The following GPC6 variants were observed in gnomAD, a reference collection of about 807,000 sequenced individuals.
GPC6 encodes the protein glypican-6.
In GPC6, 14 loss-of-function variants were observed where a neutral mutation model predicts 55.2. The ratio of observed to expected loss-of-function variants is 0.25; its 90% CI spans 0.17 to 0.40. GPC6 has a LOEUF of 0.40. Ranked by LOEUF, GPC6 falls within the 10% of genes least tolerant of loss-of-function variation. GPC6 has a pLI of 1.00. For synonymous variants in GPC6, 278 were observed against 259.6 expected, an observed-to-expected ratio of 1.07 and a Z score of -0.68; for missense variants, 641 against 708.5, an observed-to-expected ratio of 0.90 and a Z score of 1.08.
At chr13:93,879,447 AAAAC>A (rs1278564019) in intron 3 of GPC6, among the ~76,000 whole-genome samples, 1 of 152,068 alleles carries the variant, frequency 6.6e-6, no homozygotes, top group Admixed American at 6.6e-5. Flanking sequence ...AAACCTGAGA[AAAAC>A]AAGCAATGGG....
At chr13:93,505,456 CAG>C (rs374453375) in intron 1 of GPC6, among the ~76,000 whole-genome samples, 194 of 147,788 alleles carry the variant, frequency 1.3e-3, no homozygotes, top group Middle Eastern at 3.6e-3. Context: ...CACACAGAGA[CAG>C]AGAGAGAGAG....
At chr13:93,986,524 G>A (rs1379180159) in intron 3 of GPC6, among the ~76,000 whole-genome samples, 1 of 152,090 alleles carries the variant, frequency 6.6e-6, no homozygotes, top group African/African-American at 2.4e-5. Flanking sequence ...GAAATAACAG[G>A]AGTTCAGATG....
chr13:94,066,584 A>G (rs1275981541), intron 4 of GPC6, among the ~76,000 whole-genome samples: 1 of 152,200 alleles, frequency 6.6e-6, no homozygotes, highest in Non-Finnish European at 1.5e-5. Flanking sequence ...ACTCAATCTA[A>G]AGATAACGTT....
intron 4 of GPC6, among the ~76,000 whole-genome samples, chr13:94,185,814 A>C (rs559967424): frequency 4.3e-4 from 66 of 152,128 alleles, no homozygotes; most frequent in African/African-American, 1.5e-3. Flanking sequence ...GGTTTTTAGC[A>C]CTTCAGGAGG....
chr13:93,540,771 C>G (rs2139426313), intron 1 of GPC6, among the ~76,000 whole-genome samples: 1 of 152,212 alleles, frequency 6.6e-6, no homozygotes, highest in East Asian at 1.9e-4. Flanking sequence ...GTGTAGAACA[C>G]TAGAACTTAT....
At chr13:93,761,144 A>G (rs1441941689) in intron 2 of GPC6, among the ~76,000 whole-genome samples, 1 of 152,140 alleles carries the variant, frequency 6.6e-6, no homozygotes, top group Non-Finnish European at 1.5e-5. Context: ...TTTGAAGAAA[A>G]TGATCAGTTT....
At chr13:93,657,814 AAAG>A (rs1351407474) in intron 2 of GPC6, among the ~76,000 whole-genome samples, 1 of 152,138 alleles carries the variant, frequency 6.6e-6, no homozygotes, top group African/African-American at 2.4e-5. Context: ...ATGCTTCTCA[AAAG>A]AAGACATACA....
At chr13:93,574,772 C>A (rs979149172) in intron 2 of GPC6, among the ~76,000 whole-genome samples, 2 of 152,106 alleles carry the variant, frequency 1.3e-5, no homozygotes, top group African/African-American at 4.8e-5. Flanking sequence ...CATGTGCGTT[C>A]TGTCTAGAGA....
At chr13:94,102,328 G>C (rs945877057) in intron 4 of GPC6, among the ~76,000 whole-genome samples, 1 of 152,024 alleles carries the variant, frequency 6.6e-6, no homozygotes, top group Admixed American at 6.6e-5. Flanking sequence ...AACAAGTCTT[G>C]GACATTTCCA....
At chr13:93,730,376 T>G (rs1275462337) in intron 2 of GPC6, among the ~76,000 whole-genome samples, 2 of 152,184 alleles carry the variant, frequency 1.3e-5, no homozygotes, top group African/African-American at 4.8e-5. Context: ...TAAATCATAC[T>G]CACACTCTCA....
At chr13:93,720,227 T>TG in intron 2 of GPC6, among the ~76,000 whole-genome samples, 1 of 152,028 alleles carries the variant, frequency 6.6e-6, no homozygotes, top group East Asian at 1.9e-4. Context: ...GGTAGGCTAT[T>TG]ACTGCCTCAA....
intron 5 of GPC6, among the ~76,000 whole-genome samples, chr13:94,301,887 C>G (rs572435464): frequency 2.0e-5 from 3 of 152,298 alleles, no homozygotes; most frequent in Non-Finnish European, 2.9e-5. Context: ...TATTATTTCT[C>G]AATTGTTTTT....
intron 3 of GPC6, among the ~76,000 whole-genome samples, chr13:93,870,881 A>G (rs928244607): frequency 1.3e-5 from 2 of 151,824 alleles, no homozygotes; most frequent in African/African-American, 2.4e-5. Context: ...CTGCCTCCCA[A>G]ATTGCTGGGA....
At chr13:93,492,842 T>C (rs1035472347) in intron 1 of GPC6, among the ~76,000 whole-genome samples, 10 of 150,278 alleles carry the variant, frequency 6.7e-5, no homozygotes, top group African/African-American at 2.5e-4. Flanking sequence ...TGGCATATAT[T>C]GAACCAGCCT....
intron 4 of GPC6, among the ~76,000 whole-genome samples, chr13:94,101,581 TGA>T (rs1885862814): frequency 6.6e-6 from 1 of 152,218 alleles, no homozygotes; most frequent in Non-Finnish European, 1.5e-5. Flanking sequence ...TCTCCTTATA[TGA>T]AAGGTCTTAT....
At chr13:94,313,771 T>G (rs576523535) in intron 6 of GPC6, among the ~76,000 whole-genome samples, 1 of 152,318 alleles carries the variant, frequency 6.6e-6, no homozygotes, top group Non-Finnish European at 1.5e-5. Flanking sequence ...TGGATTAAAC[T>G]CTCCTTTATC....
chr13:93,928,829 A>T (rs1336366565), intron 3 of GPC6, among the ~76,000 whole-genome samples: 1 of 150,614 alleles, frequency 6.6e-6, no homozygotes, highest in Non-Finnish European at 1.5e-5. Context: ...ATCCCGAGAG[A>T]GGGCTTTCTG....
chr13:93,899,647 A>G (rs12428379), intron 3 of GPC6, among the ~76,000 whole-genome samples: 14,955 of 152,134 alleles, frequency 0.098, 1,605 homozygotes, highest in African/African-American at 0.25. Context: ...TTGGCAGTAC[A>G]ATTTTAATGA....
At chr13:93,934,097 C>T (rs1878310963) in intron 3 of GPC6, among the ~76,000 whole-genome samples, 1 of 152,100 alleles carries the variant, frequency 6.6e-6, no homozygotes, top group Non-Finnish European at 1.5e-5. Flanking sequence ...ACTAGTTTCG[C>T]CATGGTGAGA....
Sources: gnomAD v4.1 joint callset for allele counts (sites outside exome capture counted in the v4.1 genomes callset) on GRCh38, gnomAD v4.1.1 for gene constraint, MANE v1.5 for transcripts, NCBI Gene and HGNC (gene_info 2026-07-23, HGNC 2026-07-21) for gene names.